Variants in FNBP4 observed in about 807,000 individuals in gnomAD.
FNBP4 encodes the protein formin-binding protein 4.
FNBP4 carries 34 observed loss-of-function variants against 119.3 expected under a neutral mutation model. The observed-to-expected ratio is 0.28, with a 90% CI of 0.22 to 0.38. FNBP4 has a LOEUF of 0.38. Among genes scored for constraint, FNBP4 ranks in the 10% least tolerant of loss-of-function variants. FNBP4 has a pLI of 1.00. For missense variants in FNBP4, 1,112 were observed against 1,228.9 expected, an observed-to-expected ratio of 0.90 and a Z score of 1.42; for synonymous variants, 462 against 430.6, an observed-to-expected ratio of 1.07 and a Z score of -0.90.
At position 47,724,483 on chromosome 11, in the gene FNBP4, T is replaced by G. The variant is rs760610404; in HGVS notation, c.2304A>C (p.Thr768=). The G allele has an allele frequency of 3.7e-6, 6 of 1,614,214 alleles. No homozygotes were observed. The highest frequency in any genetic ancestry group is 5.1e-6 in the Non-Finnish European group (6 of 1,180,026). ...AATTACTTACCTGGCTAGTTACAAC[T>G]GTGGTTTGTGCTGAAGGTTTCAAAG... ...DTPLKPSAQT[T]VVTSQSSVDS... is the part of the protein sequence containing the mutation. Residue 768 remains threonine, a synonymous_variant, in exon 13 of 17, where the codon ACA becomes ACC. Coordinates refer to ENST00000263773, the MANE Select transcript of FNBP4 (RefSeq NM_015308.5).
At chr11:47,727,581 C>A (rs1414516335) in intron 12 of FNBP4, among the ~76,000 whole-genome samples, 2 of 152,182 alleles carry the variant, frequency 1.3e-5, no homozygotes, top group Non-Finnish European at 2.9e-5. Context: ...CAAATTCTCA[C>A]ATACAATGTG....
chr11:47,752,226 C>T (rs2097605430), intron 4 of FNBP4, among the ~76,000 whole-genome samples: 1 of 151,450 alleles, frequency 6.6e-6, no homozygotes, highest in African/African-American at 2.4e-5. Context: ...GAGTTCGAGA[C>T]CAGCTTTGCC....
intron 2 of FNBP4, among the ~76,000 whole-genome samples, chr11:47,757,364 G>A (rs913343845): frequency 4.7e-5 from 7 of 150,272 alleles, no homozygotes; most frequent in East Asian, 3.9e-4. Flanking sequence ...ACAGGCGCCC[G>A]CCACGCCCGG....
Position 47,746,222 on chromosome 11 carries a change from G to A in FNBP4, c.1079C>T (p.Thr360Ile), listed in dbSNP as rs368993047. The A allele has an allele frequency of 3.3e-5, 54 of 1,613,898 alleles. No homozygotes were observed. The highest frequency in any genetic ancestry group is 2.5e-4 in the African/African-American group (19 of 74,884). The change falls in exon 7 of 17, where the codon ACA becomes ATA. Residue 360 changes from threonine (T) to isoleucine (I), a missense_variant. This residue lies in a region of FNBP4 where 826 missense variants were observed against 988.8 expected (regional missense o/e 0.84). Coordinates refer to ENST00000263773, the MANE Select transcript of FNBP4 (RefSeq NM_015308.5). ...EPVSEVKETS[T>I]TVEEATTIVK... ...TATTGTTGTTGCTTCTTCTACTGTT[G>A]TACTTGTTTCTTTTACTTCTGAAAC...
chr11:47,729,539 G>T, intron 12 of FNBP4: 6 of 980,518 alleles, frequency 6.1e-6, no homozygotes, highest in Non-Finnish European at 7.3e-6. Flanking sequence ...ACAGGGTCTT[G>T]TTCTCTGTCG....
intron 13 of FNBP4, 56 bp from the exon 14 acceptor site, chr11:47,724,228 C>A: frequency 6.3e-7 from 1 of 1,590,410 alleles, no homozygotes; most frequent in Non-Finnish European, 8.6e-7. Flanking sequence ...ACATAGCCCG[C>A]TCCCACCTCC....
At chr11:47,724,976 A>G (rs959867375) in intron 12 of FNBP4, 198 bp from the exon 13 acceptor site, 2 of 521,516 alleles carry the variant, frequency 3.8e-6, no homozygotes, top group African/African-American at 3.9e-5. Context: ...CATCTATTCT[A>G]TACTGATATC....
intron 4 of FNBP4, chr11:47,752,621 G>A (rs1599239978): frequency 8.6e-6 from 2 of 232,694 alleles, no homozygotes; most frequent in East Asian, 9.6e-5. Context: ...CCAGCCTTGG[G>A]CAACACAGTG....
At chr11:47,729,011 C>G (rs2097564398) in intron 12 of FNBP4, 1 of 238,532 alleles carries the variant, frequency 4.2e-6, no homozygotes. Flanking sequence ...GCCACCACGC[C>G]CAGCTAATTT....
chr11:47,741,998 C>G (rs1049255132), intron 8 of FNBP4, among the ~76,000 whole-genome samples: 1 of 152,068 alleles, frequency 6.6e-6, no homozygotes, highest in Non-Finnish European at 1.5e-5. Context: ...CTACACCACT[C>G]AGTTTTAACC....
intron 6 of FNBP4, among the ~76,000 whole-genome samples, 174 bp from the exon 7 acceptor site, chr11:47,746,568 G>A (rs909798870): frequency 9.9e-5 from 15 of 151,706 alleles, no homozygotes; most frequent in African/African-American, 3.6e-4. Flanking sequence ...AGGCTGGAGT[G>A]CAGTGGCACA....
Position 47,716,784 on chromosome 11 carries a change from CTTG to C in FNBP4, c.*635_*637del, listed in dbSNP as rs990298267. ...ATGGAGACATTAATACATAGAGTGT[CTTG>C]TTGTATTTACTGCCACATACTTGAG... On this transcript the variant is annotated 3_prime_UTR_variant, in exon 17 of 17. Coordinates refer to ENST00000263773, the MANE Select transcript of FNBP4 (RefSeq NM_015308.5). 4 of 152,516 alleles carry C rather than the reference CTTG, an allele frequency of 2.6e-5. No individual in the cohort carries two copies. The highest frequency in any genetic ancestry group is 6.6e-5 in the Admixed American group (1 of 15,254). The allele number at this position is 152,516 out of a possible 1,614,324, so 9.4% of individuals were successfully genotyped here. A position where few individuals can be genotyped will look rare whatever the true frequency, so the allele number is the denominator to read the frequency against.
Position 47,752,182 on chromosome 11 carries a change from G to A in FNBP4, c.637+734C>T, listed in dbSNP as rs1169728203. 3.9e-5 allele frequency among the ~76,000 whole-genome samples: 6 copies of A among 152,022 alleles called. No individual in the cohort carries two copies. The East Asian group carries it at 1.2e-3, about 29-fold the overall frequency. ...CTCAAACCTGTAATCACAGCACCTT[G>A]GGAGGCCGAGGCAGGTGGATCCCCC... On this transcript the variant is annotated intron_variant, in intron 4 of 16. Coordinates refer to ENST00000263773, the MANE Select transcript of FNBP4 (RefSeq NM_015308.5).
At chr11:47,745,414 T>C (rs1370772625) in intron 7 of FNBP4, among the ~76,000 whole-genome samples, 1 of 152,140 alleles carries the variant, frequency 6.6e-6, no homozygotes, top group African/African-American at 2.4e-5. Flanking sequence ...TGGGAATGTC[T>C]GTCCTATGCG....
intron 2 of FNBP4, among the ~76,000 whole-genome samples, chr11:47,761,941 C>T (rs551984731): frequency 1.5e-4 from 22 of 151,446 alleles, no homozygotes; most frequent in Admixed American, 5.3e-4. Flanking sequence ...TGGGTTCAAG[C>T]GATTTTCCTG....
intron 13 of FNBP4, 87 bp from the exon 14 acceptor site, chr11:47,724,259 A>C (rs2097558723): frequency 6.4e-6 from 10 of 1,553,472 alleles, no homozygotes; most frequent in Non-Finnish European, 7.9e-6. Context: ...ACAGGCTCTC[A>C]TTCTGTTGCA....
chr11:47,720,295 G>A (rs1035588672), intron 15 of FNBP4, among the ~76,000 whole-genome samples: 5 of 152,098 alleles, frequency 3.3e-5, no homozygotes, highest in South Asian at 2.1e-4. Context: ...CAGGCCAGGC[G>A]CGGTGGCTCA....
intron 2 of FNBP4, among the ~76,000 whole-genome samples, chr11:47,764,926 T>A (rs932610986): frequency 3.9e-5 from 6 of 152,178 alleles, no homozygotes; most frequent in African/African-American, 1.4e-4. Context: ...CACCAATGTT[T>A]GTTAGGTAAC....
rs1261325053 is a variant in FNBP4, at chr11:47,723,206, G to T, written c.2575C>A (p.Gln859Lys). 1 of 1,614,194 alleles carries T rather than the reference G, an allele frequency of 6.2e-7. No individual in the cohort carries two copies. Among genetic ancestry groups the T allele is most frequent in the East Asian group, 2.2e-5 (1 of 44,884 alleles). Residue 859 changes from glutamine to lysine, a missense_variant, in exon 15 of 17, where the codon CAG (glutamine) becomes AAG (lysine). Physicochemically the swap from Gln to Lys is moderately conservative, Grantham distance 53. Around this residue, in one of 2 missense-constraint regions of FNBP4, gnomAD observed 826 missense variants for 988.8 expected, o/e 0.84. Coordinates refer to ENST00000263773, the MANE Select transcript of FNBP4 (RefSeq NM_015308.5). ...MGHQARGMSL[Q>K]SNYLGLAAAP... ...GCCGCTAGTCCAAGGTAATTTGACT[G>T]CAGGCTCATTCCTCTGGCCTGATGA...
Sources: allele counts gnomAD v4.1 joint callset (sites outside exome capture counted in the v4.1 genomes callset), GRCh38; gene constraint gnomAD v4.1.1; regional missense constraint gnomAD v4.1.1; transcripts MANE v1.5; gene names NCBI Gene and HGNC (gene_info 2026-07-23, HGNC 2026-07-21).